KLHL14: variants seen among roughly 807,000 people sequenced by gnomAD.
KLHL14 encodes kelch like family member 14, also known as kelch-like protein 14.
KLHL14 carries 22 observed loss-of-function variants against 64.3 expected under a neutral mutation model. The observed-to-expected ratio is 0.34, with a 90% CI of 0.24 to 0.49. KLHL14 has a LOEUF of 0.49. Among genes scored for constraint, KLHL14 ranks in the 20% least tolerant of loss-of-function variants. The pLI, the probability that KLHL14 is intolerant of heterozygous loss-of-function variation, is 0.99. For synonymous variants in KLHL14, 322 were observed against 333.4 expected (o/e 0.97, Z 0.37); for missense variants, 661 against 789.0 (o/e 0.84, Z 1.94).
intron 4 of KLHL14, among the ~76,000 whole-genome samples, chr18:32,694,068 A>C (rs1568066618): frequency 6.6e-6 from 1 of 152,170 alleles, no homozygotes; most frequent in Non-Finnish European, 1.5e-5. Context: ...TAAGTCAGGG[A>C]GATTCACAGT....
Position 32,680,680 on chromosome 18 carries a change from C to G in KLHL14, c.1239-81G>C, listed in dbSNP as rs776219696. ...TCGAAATAAGATAAGCACCACACAG[C>G]TAGTCAGGGAAAGGGGTGCATTCTG... On this transcript the variant is annotated intron_variant, in intron 5 of 8. Transcript: ENST00000359358. The surrounding 1 kb of genome is among the most constrained non-coding windows in gnomAD (Gnocchi z 4.8). 60 of 1,376,976 alleles carry G rather than the reference C, an allele frequency of 4.4e-5. No homozygotes were observed. The highest frequency in any genetic ancestry group is 5.6e-5 in the Non-Finnish European group (57 of 1,014,614). 85.3% of individuals were successfully genotyped at this position (1,376,976 alleles called of 1,614,324 possible).
intron 3 of KLHL14, among the ~76,000 whole-genome samples, chr18:32,703,970 A>G (rs1598555878): frequency 6.6e-6 from 1 of 152,016 alleles, no homozygotes; most frequent in Non-Finnish European, 1.5e-5. Context: ...TAGAGCTTTG[A>G]TGACTGCCCT....
chr18:32,733,968 C>T (rs1163220408), intron 3 of KLHL14: 5 of 573,302 alleles, frequency 8.7e-6, no homozygotes, highest in Admixed American at 3.0e-5. Flanking sequence ...TTATTCATTC[C>T]GGGTCAAGAG....
At chr18:32,766,381 T>A (rs901207446) in intron 2 of KLHL14, among the ~76,000 whole-genome samples, 3 of 152,098 alleles carry the variant, frequency 2.0e-5, no homozygotes, top group African/African-American at 7.2e-5. Context: ...CATGTCGCTT[T>A]ATGAAACTAA....
chr18:32,695,884 C>T (rs1335284042), intron 3 of KLHL14, among the ~76,000 whole-genome samples: 1 of 152,130 alleles, frequency 6.6e-6, no homozygotes, highest in Non-Finnish European at 1.5e-5. Context: ...ATCTGAATGA[C>T]TGACACTCCT....
In KLHL14 at chr18:32,770,338, T is replaced by C. The variant is rs1336096649; in HGVS notation, c.254A>G (p.Gln85Arg). 2 of 1,584,578 alleles carry C rather than the reference T, an allele frequency of 1.3e-6. No homozygotes were observed. The highest frequency in any genetic ancestry group is 2.3e-5 in the South Asian group (2 of 85,602). Residue 85 changes from glutamine (Q) to arginine (R), a missense_variant, in exon 2 of 9, where the codon CAG becomes CGG. Transcript: ENST00000359358. This position sits in a 1 kb window ranked among gnomAD's most constrained non-coding sequence, Gnocchi z 6.7. ...TGACGGCTGCTGCTGCGGCGGCTGC[T>C]GCTGGTCCTTGGGGGCCCCCAGGCC... is the stretch of plus-strand genomic sequence containing the variant. The part of the protein sequence containing the change: ...QDGLGAPKDQ[Q>R]QPPQQQPSQQ...
chr18:32,769,569 C>T, intron 2 of KLHL14, 76 bp downstream of exon 2: 6 of 479,994 alleles, frequency 1.3e-5, no homozygotes, highest in South Asian at 5.2e-5. Context: ...CTTCCCTCCT[C>T]CCTGCCCCCT....
At chr18:32,755,309 T>C (rs557098481) in intron 2 of KLHL14, among the ~76,000 whole-genome samples, 2 of 152,260 alleles carry the variant, frequency 1.3e-5, no homozygotes, top group Admixed American at 1.3e-4. Context: ...TATCAGATCT[T>C]TGACATGCAG....
intron 3 of KLHL14, among the ~76,000 whole-genome samples, chr18:32,710,564 T>G (rs1283873306): frequency 6.6e-6 from 1 of 152,180 alleles, no homozygotes; most frequent in East Asian, 1.9e-4. Flanking sequence ...CAGAAAAGAA[T>G]GTAAGCATCT....
chr18:32,697,723 T>C (rs2049943879), intron 3 of KLHL14, among the ~76,000 whole-genome samples: 1 of 152,204 alleles, frequency 6.6e-6, no homozygotes. Context: ...ATGATTTATT[T>C]TTAAGCCTCT....
rs567379711 is a variant in KLHL14, at chr18:32,678,865, T to C, written c.1588+1304A>G. Among the ~76,000 whole-genome samples, 103 of 152,290 alleles carry C rather than the reference T, an allele frequency of 6.8e-4. 4 individuals carry two copies. The South Asian group carries it at 0.02, about 30-fold the overall frequency. On this transcript the variant is annotated intron_variant, in intron 7 of 8. Coordinates refer to ENST00000359358, the MANE Select transcript of KLHL14 (RefSeq NM_020805.3). ...CACTATTTCTCATTTAGATTGTCATTACCTGAGTCTTTCTGTCCAAACCTA... is the reference window on the plus strand; with the variant it reads ...CACTATTTCTCATTTAGATTGTCATCACCTGAGTCTTTCTGTCCAAACCTA...
chr18:32,688,269 G>T (rs1284250205), intron 4 of KLHL14, among the ~76,000 whole-genome samples: 1 of 152,142 alleles, frequency 6.6e-6, no homozygotes. Flanking sequence ...ACAGATAGGG[G>T]TGTGTGGGTG....
At chr18:32,749,860 G>A (rs776532152) in intron 2 of KLHL14, among the ~76,000 whole-genome samples, 68 of 152,154 alleles carry the variant, frequency 4.5e-4, no homozygotes, top group Non-Finnish European at 8.1e-4. Context: ...GAGGATGGAT[G>A]TGTGAGTCAG....
intron 2 of KLHL14, among the ~76,000 whole-genome samples, chr18:32,764,759 C>T (rs2050331682): frequency 6.6e-6 from 1 of 152,098 alleles, no homozygotes; most frequent in South Asian, 2.1e-4. Flanking sequence ...TGCGTTTTTG[C>T]ACTACAGGTG....
At chr18:32,708,303 G>A (rs2144497702) in intron 3 of KLHL14, among the ~76,000 whole-genome samples, 1 of 152,304 alleles carries the variant, frequency 6.6e-6, no homozygotes, top group South Asian at 2.1e-4. Context: ...ATTTGCCAGT[G>A]AAATTGGCAT....
In KLHL14 at chr18:32,680,004, TA is replaced by T. The variant is rs1348133935; in HGVS notation, c.1588+164del. ...AATCCTATCTGCAGCAAAGCCAAAA[TA>T]AATGCTTGCTCAAGGGTACTGCCAA... On this transcript the variant is annotated intron_variant, in intron 7 of 8. Transcript: ENST00000359358. The surrounding 1 kb of genome is among the most constrained non-coding windows in gnomAD (Gnocchi z 4.8). Among the ~76,000 whole-genome samples, 7 of 152,288 alleles carry T rather than the reference TA, an allele frequency of 4.6e-5. No individual in the cohort carries two copies. Among genetic ancestry groups the T allele is most frequent in the African/African-American group, 1.7e-4 (7 of 41,580 alleles).
intron 2 of KLHL14, among the ~76,000 whole-genome samples, chr18:32,756,294 G>A (rs937647380): frequency 5.9e-5 from 9 of 152,236 alleles, no homozygotes; most frequent in South Asian, 2.1e-4. Flanking sequence ...GAGAGGCTCC[G>A]CAGAAATCAA....
At chr18:32,705,459 A>G (rs188465311) in intron 3 of KLHL14, among the ~76,000 whole-genome samples, 99 of 152,372 alleles carry the variant, frequency 6.5e-4, no homozygotes, top group African/African-American at 2.0e-3. Context: ...GTGGTGGCTC[A>G]TGCCTGCAAT....
intron 4 of KLHL14, among the ~76,000 whole-genome samples, chr18:32,693,270 C>G (rs1277765272): frequency 6.6e-6 from 1 of 151,948 alleles, no homozygotes; most frequent in Non-Finnish European, 1.5e-5. Flanking sequence ...CATGGTCCAG[C>G]CTCCTTTGCC....
Sources: allele counts gnomAD v4.1 joint callset (sites outside exome capture counted in the v4.1 genomes callset), GRCh38; gene constraint gnomAD v4.1.1; non-coding constraint Gnocchi (gnomAD v3.1); transcripts MANE v1.5; gene names NCBI Gene and HGNC (gene_info 2026-07-23, HGNC 2026-07-21).